CD226: variants seen among roughly 807,000 people sequenced by gnomAD.
CD226 encodes CD226 antigen.
In CD226, 24 loss-of-function variants were observed where a neutral mutation model predicts 34.9. The ratio of observed to expected loss-of-function variants is 0.69; its 90% CI spans 0.50 to 0.97. CD226 has a LOEUF of 0.97. CD226 is among the 50% of genes least tolerant of loss of function. The probability of loss-of-function intolerance (pLI) is 0.00; values close to 1 mark genes in which losing one functional copy is unlikely to be tolerated. For synonymous variants in CD226, 148 were observed against 147.4 expected (o/e 1.00, Z -0.03); for missense variants, 397 against 412.7 (o/e 0.96, Z 0.33).
intron 3 of CD226, among the ~76,000 whole-genome samples, chr18:69,887,469 G>A (rs915594106): frequency 2.0e-5 from 3 of 152,136 alleles, no homozygotes; most frequent in African/African-American, 7.2e-5. Context: ...CCTCCCATGG[G>A]TTCATTTACA....
At chr18:69,904,895 CT>C (rs2055233055) in intron 2 of CD226, among the ~76,000 whole-genome samples, 1 of 152,174 alleles carries the variant, frequency 6.6e-6, no homozygotes, top group Non-Finnish European at 1.5e-5. Flanking sequence ...TTAACACCAT[CT>C]CTAATGATTC....
chr18:69,906,008 G>A (rs1054663420), intron 2 of CD226, among the ~76,000 whole-genome samples: 1 of 152,182 alleles, frequency 6.6e-6, no homozygotes, highest in Non-Finnish European at 1.5e-5. Flanking sequence ...ATCTACTCCA[G>A]GTTCAATTTC....
intron 3 of CD226, among the ~76,000 whole-genome samples, chr18:69,891,706 A>G (rs898778973): frequency 6.6e-6 from 1 of 152,210 alleles, no homozygotes; most frequent in Non-Finnish European, 1.5e-5. Context: ...CAAACTATCC[A>G]AAAAAGGAAT....
intron 2 of CD226, among the ~76,000 whole-genome samples, chr18:69,899,867 T>C (rs532188904): frequency 6.6e-6 from 1 of 152,314 alleles, no homozygotes; most frequent in South Asian, 2.1e-4. Context: ...GAAAGCAGTA[T>C]GGCAATTCCT....
intron 4 of CD226, among the ~76,000 whole-genome samples, chr18:69,868,313 A>T (rs1315087098): frequency 1.3e-5 from 2 of 152,188 alleles, no homozygotes; most frequent in Non-Finnish European, 2.9e-5. Context: ...AAGATACAGA[A>T]ATGTAATGTT....
chr18:69,942,369 C>T (rs1599029097), intron 2 of CD226, among the ~76,000 whole-genome samples: 1 of 152,318 alleles, frequency 6.6e-6, no homozygotes, highest in Non-Finnish European at 1.5e-5. Context: ...CTTACCTTGC[C>T]TGCAAACTCT....
At chr18:69,931,072 T>C (rs1484047207) in intron 2 of CD226, among the ~76,000 whole-genome samples, 1 of 152,244 alleles carries the variant, frequency 6.6e-6, no homozygotes, top group Non-Finnish European at 1.5e-5. Context: ...GATGAGTTCA[T>C]GTCCTTTGTA....
intron 2 of CD226, among the ~76,000 whole-genome samples, chr18:69,900,738 C>CAAA (rs34436716): frequency 0.26 from 25,846 of 97,876 alleles, 2,829 homozygotes; most frequent in Middle Eastern, 0.42. Context: ...GACTCCGTCT[C>CAAA]AAAAAAAAAA....
rs368498382 is a variant in CD226, at chr18:69,946,802, T to C, written c.314A>G (p.Tyr105Cys). The C allele has an allele frequency of 5.0e-6, 8 of 1,614,072 alleles. No individual in the cohort carries two copies. The highest frequency in any genetic ancestry group is 2.2e-5 in the South Asian group (2 of 91,086). Reference protein sequence around the residue: ...FRNASEDDVGYYSCSLYTYPQ... With the variant: ...FRNASEDDVGCYSCSLYTYPQ... The stretch of plus-strand genomic sequence containing the variant: ...GTAAGTGTAAAGAGAGCAGGAATAG[T>C]AGCCAACATCATCTTCAGAGGCATT... The change falls in exon 2 of 6, where the codon TAC (tyrosine) becomes TGC (cysteine). Residue 105 changes from tyrosine to cysteine, a missense_variant. Physicochemically the swap from Tyr to Cys is radical, Grantham distance 194. Coordinates refer to ENST00000582621, the MANE Select transcript of CD226 (RefSeq NM_001303618.2).
In CD226 at chr18:69,861,577, A is replaced by AT. The variant is rs1982833517; in HGVS notation, c.*2736_*2737insA. 3.7e-5 allele frequency: 2 copies of AT among 54,190 alleles called. No individual in the cohort carries two copies. The highest frequency in any genetic ancestry group is 5.0e-5 in the Non-Finnish European group (1 of 19,868). 3.4% of individuals were successfully genotyped at this position (54,190 alleles called of 1,614,324 possible). A position where few individuals can be genotyped will look rare whatever the true frequency, so the allele number is the denominator to read the frequency against. On this transcript the variant is annotated 3_prime_UTR_variant, in exon 6 of 6. Transcript: ENST00000582621. Reference sequence around the variant, plus strand: ...ATGTATATATATATATATATATGTAAAACTTAAGAAGCATTTTGCTTCCAA... The same window carrying AT: ...ATGTATATATATATATATATATGTAATAACTTAAGAAGCATTTTGCTTCCAA...
chr18:69,885,840 A>C (rs1025218436), intron 3 of CD226, among the ~76,000 whole-genome samples: 2 of 152,138 alleles, frequency 1.3e-5, no homozygotes, highest in African/African-American at 4.8e-5. Context: ...GGAAGACAGG[A>C]AGGAAGGGGA....
At chr18:69,888,431 T>TC (rs1318177401) in intron 3 of CD226, among the ~76,000 whole-genome samples, 1 of 150,286 alleles carries the variant, frequency 6.7e-6, no homozygotes, top group Non-Finnish European at 1.5e-5. Flanking sequence ...TTTTTTTTTT[T>TC]TTTTGGAGAC....
intron 2 of CD226, among the ~76,000 whole-genome samples, chr18:69,904,528 T>C (rs1035507432): frequency 1.3e-5 from 2 of 152,210 alleles, no homozygotes; most frequent in African/African-American, 2.4e-5. Context: ...CTTGGTGTAA[T>C]GTTTGTTCAG....
At chr18:69,912,948 A>G (rs559647247) in intron 2 of CD226, among the ~76,000 whole-genome samples, 1 of 152,326 alleles carries the variant, frequency 6.6e-6, no homozygotes, top group South Asian at 2.1e-4. Context: ...GCAGATAAAG[A>G]GCATTTAGGG....
chr18:69,881,219 C>A (rs547461964), intron 3 of CD226, among the ~76,000 whole-genome samples: 1 of 152,064 alleles, frequency 6.6e-6, no homozygotes, highest in Admixed American at 6.6e-5. Flanking sequence ...AAATATTAGA[C>A]CTTGTTTTGT....
chr18:69,855,831 G>C lies in CD226; in HGVS notation c.*8483C>G, dbSNP rs554144092. 6.6e-6 allele frequency: 1 copy of C among 152,216 alleles called. No individual in the cohort carries two copies. Among genetic ancestry groups the C allele is most frequent in the Admixed American group, 6.5e-5 (1 of 15,280 alleles). The allele number at this position is 152,216 out of a possible 1,614,324, so 9.4% of individuals were successfully genotyped here. ...ACTATATCAATAATCACTTAAATTT[G>C]AATAATCTAAATGTACCAATTAGAA... On this transcript the variant is annotated 3_prime_UTR_variant, in exon 6 of 6. Coordinates refer to ENST00000582621, the MANE Select transcript of CD226 (RefSeq NM_001303618.2).
chr18:69,890,943 A>T (rs899845062), intron 3 of CD226, among the ~76,000 whole-genome samples: 12 of 151,722 alleles, frequency 7.9e-5, no homozygotes, highest in Non-Finnish European at 1.3e-4. Flanking sequence ...ATTCTTTTTT[A>T]AAAAAAGAAG....
At chr18:69,926,712 T>G (rs2055526619) in intron 2 of CD226, among the ~76,000 whole-genome samples, 1 of 152,202 alleles carries the variant, frequency 6.6e-6, no homozygotes, top group Non-Finnish European at 1.5e-5. Flanking sequence ...TGCCAAGTAT[T>G]ATATAGGATC....
intron 3 of CD226, among the ~76,000 whole-genome samples, chr18:69,873,605 G>A (rs527633979): frequency 1.3e-5 from 2 of 152,262 alleles, no homozygotes; most frequent in East Asian, 1.9e-4. Flanking sequence ...TAGGCCAGGT[G>A]TAGTGGCTCA....
Sources: allele counts gnomAD v4.1 joint callset (sites outside exome capture counted in the v4.1 genomes callset), GRCh38; gene constraint gnomAD v4.1.1; transcripts MANE v1.5; gene names NCBI Gene and HGNC (gene_info 2026-07-23, HGNC 2026-07-21).